Variants in SLC17A8 observed in about 807,000 individuals in gnomAD.
SLC17A8 encodes the protein solute carrier family 17 member 8, also known as vesicular glutamate transporter 3.
A neutral mutation model predicts 58.0 loss-of-function variants in SLC17A8; 31 were observed. The observed-to-expected ratio is 0.53, with a 90% confidence interval of 0.40 to 0.72. The LOEUF (loss-of-function observed/expected upper bound fraction) is 0.72, where lower values mean the gene tolerates loss of function less well. Among genes scored for constraint, SLC17A8 ranks in the 30% least tolerant of loss-of-function variants. SLC17A8 has a pLI of 0.00. For missense variants in SLC17A8, 655 were observed against 727.8 expected, an observed-to-expected ratio of 0.90 and a Z score of 1.15; for synonymous variants, 228 against 249.0, an observed-to-expected ratio of 0.92 and a Z score of 0.79.
At chr12:100,410,970 G>A (rs1158788612) in intron 9 of SLC17A8, among the ~76,000 whole-genome samples, 2 of 152,108 alleles carry the variant, frequency 1.3e-5, no homozygotes, top group Non-Finnish European at 2.9e-5. Context: ...TCCAGCTTTT[G>A]GATGAGGAAT....
rs757207684 is a variant in SLC17A8, at chr12:100,402,413, A to C, written c.837A>C (p.Ile279=). ...AYECPAAHPT[I]SNEEKTYIET... Reference sequence around the variant, plus strand: ...AGTGCCCAGCAGCTCATCCAACAATATCCAATGAGGAGAAGACCTATATAG... The same window carrying C: ...AGTGCCCAGCAGCTCATCCAACAATCTCCAATGAGGAGAAGACCTATATAG... Residue 279 remains isoleucine, a synonymous_variant, in exon 7 of 12, where the codon ATA becomes ATC. Coordinates refer to ENST00000323346, the MANE Select transcript of SLC17A8 (RefSeq NM_139319.3). The C allele has an allele frequency of 6.2e-7, 1 of 1,614,152 alleles. No homozygotes were observed. The highest frequency in any genetic ancestry group is 8.5e-7 in the Non-Finnish European group (1 of 1,180,008).
At chr12:100,407,389 T>C (rs1952833672) in intron 9 of SLC17A8, among the ~76,000 whole-genome samples, 2 of 152,222 alleles carry the variant, frequency 1.3e-5, no homozygotes, top group South Asian at 4.1e-4. Context: ...CTGCTGTTTC[T>C]CCATAATTGG....
At chr12:100,413,011 G>C in intron 10 of SLC17A8, 131 bp downstream of exon 10, 1 of 770,450 alleles carries the variant, frequency 1.3e-6, no homozygotes, top group Non-Finnish European at 2.3e-6. Context: ...CCACCGTCCA[G>C]AGAATGTGAT....
At chr12:100,384,232 T>G (rs1952657330) in intron 2 of SLC17A8, among the ~76,000 whole-genome samples, 1 of 152,136 alleles carries the variant, frequency 6.6e-6, no homozygotes, top group Non-Finnish European at 1.5e-5. Flanking sequence ...GGACCTTGAA[T>G]AAGTTGCCCT....
chr12:100,409,452 C>A (rs1009361951), intron 9 of SLC17A8, among the ~76,000 whole-genome samples: 2 of 152,164 alleles, frequency 1.3e-5, no homozygotes, highest in Non-Finnish European at 2.9e-5. Context: ...TCCCAAAGAG[C>A]TGGAATTATA....
At chr12:100,389,979 C>T (rs991977750) in intron 2 of SLC17A8, among the ~76,000 whole-genome samples, 1 of 152,014 alleles carries the variant, frequency 6.6e-6, no homozygotes, top group Non-Finnish European at 1.5e-5. Flanking sequence ...TGCCACCACA[C>T]CCAGCTGATT....
intron 2 of SLC17A8, among the ~76,000 whole-genome samples, chr12:100,389,682 G>A (rs548608316): frequency 4.3e-4 from 65 of 151,478 alleles, no homozygotes; most frequent in Non-Finnish European, 5.3e-4. Context: ...TCCCACTGGA[G>A]TGCAGTGTGT....
intron 9 of SLC17A8, chr12:100,404,419 C>G (rs1952812334): frequency 4.0e-6 from 2 of 494,248 alleles, no homozygotes. Context: ...CTCTGCTTAC[C>G]TTTCTACCTA....
At position 100,384,544 on chromosome 12, in the gene SLC17A8, G is replaced by C. The variant is rs191430371; in HGVS notation, c.354+3591G>C. On this transcript the variant is annotated intron_variant, in intron 2 of 11. Transcript: ENST00000323346. ...TGGCAGTTGGAGGTTGTAGTGAGTC[G>C]AGATGTGTGAGACTCCATCTAAACA... Among the ~76,000 whole-genome samples the C allele has an allele frequency of 2.3e-3, 345 of 152,282 alleles. 1 individual carries two copies. Among genetic ancestry groups the C allele is most frequent in the Middle Eastern group, 6.8e-3 (2 of 294 alleles).
intron 5 of SLC17A8, among the ~76,000 whole-genome samples, chr12:100,398,171 G>A (rs1487755465): frequency 6.6e-6 from 1 of 152,146 alleles, no homozygotes; most frequent in African/African-American, 2.4e-5. Context: ...CTGAGAATGT[G>A]GTGTGAGGTA....
intron 9 of SLC17A8, among the ~76,000 whole-genome samples, chr12:100,411,794 A>G (rs535027056): frequency 8.6e-5 from 13 of 151,704 alleles, no homozygotes; most frequent in African/African-American, 2.9e-4. Context: ...AAAGGAACAG[A>G]AAGTACTTTT....
intron 11 of SLC17A8, among the ~76,000 whole-genome samples, chr12:100,419,361 C>A (rs1009446251): frequency 1.3e-5 from 2 of 151,902 alleles, no homozygotes; most frequent in African/African-American, 4.8e-5. Flanking sequence ...AGTGAAACCC[C>A]GCCTCTACTA....
rs556274003 is a variant in SLC17A8 at position 100,414,645 on chromosome 12, T to C, written c.1297+1765T>C. Among the ~76,000 whole-genome samples, 6 of 152,306 alleles carry C rather than the reference T, an allele frequency of 3.9e-5. No individual in the cohort carries two copies. The East Asian group carries it at 1.2e-3, about 29-fold the overall frequency. ...ATATTGCAGTGAATAAATGAAAGTG[T>C]CCATCCCCATAAAGTTTACATTCTA... is the stretch of plus-strand genomic sequence containing the variant. On this transcript the variant is annotated intron_variant, in intron 10 of 11. Coordinates refer to ENST00000323346, the MANE Select transcript of SLC17A8 (RefSeq NM_139319.3).
chr12:100,417,644 G>A (rs1184587042), intron 10 of SLC17A8, among the ~76,000 whole-genome samples: 2 of 152,212 alleles, frequency 1.3e-5, no homozygotes, highest in African/African-American at 2.4e-5. Flanking sequence ...GTAGGAGTGG[G>A]AATATTATAA....
At position 100,380,795 on chromosome 12, in the gene SLC17A8, G is replaced by A. The variant is rs781283307; in HGVS notation, c.196G>A (p.Asp66Asn). The A allele has an allele frequency of 1.3e-5, 21 of 1,614,012 alleles. No homozygotes were observed. The highest frequency in any genetic ancestry group is 1.7e-5 in the Non-Finnish European group (20 of 1,180,050). ...GTCCAGGCCAAGCCCCCCACTCTGC[G>A]ACTGCCACTGCTGCGGCCTCCCCAA... ...QTSRPSPPLCDCHCCGLPKRY... is the reference protein window; with the variant it reads ...QTSRPSPPLCNCHCCGLPKRY... Residue 66 changes from aspartate (D) to asparagine (N), a missense_variant, in exon 2 of 12, where the codon GAC (aspartate) becomes AAC (asparagine). Coordinates refer to ENST00000323346, the MANE Select transcript of SLC17A8 (RefSeq NM_139319.3).
intron 11 of SLC17A8, among the ~76,000 whole-genome samples, chr12:100,418,496 C>T (rs752238070): frequency 1.2e-4 from 18 of 152,166 alleles, no homozygotes; most frequent in Non-Finnish European, 2.2e-4. Context: ...TTCTCATTCT[C>T]AGTGATTAAA....
At chr12:100,410,987 G>C (rs902544550) in intron 9 of SLC17A8, among the ~76,000 whole-genome samples, 1 of 152,176 alleles carries the variant, frequency 6.6e-6, no homozygotes, top group Non-Finnish European at 1.5e-5. Flanking sequence ...GAATCTAAGA[G>C]GTGTAGTAAC....
chr12:100,365,181 G>A (rs1021853463), intron 1 of SLC17A8, among the ~76,000 whole-genome samples: 13 of 152,128 alleles, frequency 8.5e-5, no homozygotes, highest in African/African-American at 2.4e-4. Context: ...CTGATGGGTC[G>A]TTTTGGCTGC....
At chr12:100,381,562 A>AAGAGAC (rs1555326025) in intron 2 of SLC17A8, among the ~76,000 whole-genome samples, 3 of 97,718 alleles carry the variant, frequency 3.1e-5, no homozygotes, top group East Asian at 1.3e-3. Flanking sequence ...GACTGTAAGA[A>AAGAGAC]AGAGACAGAG....
Sources: allele counts gnomAD v4.1 joint callset (sites outside exome capture counted in the v4.1 genomes callset), GRCh38; gene constraint gnomAD v4.1.1; transcripts MANE v1.5; gene names NCBI Gene and HGNC (gene_info 2026-07-23, HGNC 2026-07-21).